The following CNTN4 variants were observed in gnomAD, a reference collection of about 807,000 sequenced individuals.
CNTN4 encodes contactin-4.
A neutral mutation model predicts 122.5 loss-of-function variants in CNTN4; 77 were observed. That is an observed-to-expected ratio of 0.63 (90% CI 0.52 to 0.76). The LOEUF is 0.76. CNTN4 is among the 30% of genes least tolerant of loss of function. CNTN4 has a pLI of 0.00. For missense variants in CNTN4, 1,256 were observed against 1,259.1 expected, an observed-to-expected ratio of 1.00 and a Z score of 0.04; for synonymous variants, 512 against 447.0, an observed-to-expected ratio of 1.15 and a Z score of -1.83.
intron 23 of CNTN4, among the ~76,000 whole-genome samples, chr3:3,047,739 C>A (rs534727141): frequency 6.6e-6 from 1 of 150,500 alleles, no homozygotes; most frequent in African/African-American, 2.4e-5. Flanking sequence ...AGAGCAAACA[C>A]ATTCAAAAGC....
intron 4 of CNTN4, among the ~76,000 whole-genome samples, chr3:2,645,906 C>A (rs2083096209): frequency 2.0e-5 from 3 of 152,226 alleles, no homozygotes; most frequent in Admixed American, 2.0e-4. Flanking sequence ...GAAATGAAAT[C>A]TGTTCCCAAA....
chr3:2,673,356 G>A (rs2084648370), intron 4 of CNTN4, among the ~76,000 whole-genome samples: 1 of 152,248 alleles, frequency 6.6e-6, no homozygotes, highest in Middle Eastern at 3.4e-3. Flanking sequence ...TGCAGAGACT[G>A]ATTGCAAAAT....
chr3:2,297,933 T>C (rs1310043336), intron 2 of CNTN4, among the ~76,000 whole-genome samples: 2 of 152,156 alleles, frequency 1.3e-5, no homozygotes, highest in Non-Finnish European at 2.9e-5. Context: ...GGTTTCACTA[T>C]GTTGCCCAGG....
intron 4 of CNTN4, among the ~76,000 whole-genome samples, chr3:2,675,500 T>G (rs2084793178): frequency 6.6e-6 from 1 of 152,216 alleles, no homozygotes; most frequent in South Asian, 2.1e-4. Context: ...CTTATCACTA[T>G]CTACAATTAT....
intron 7 of CNTN4, among the ~76,000 whole-genome samples, chr3:2,844,648 C>T (rs1006400577): frequency 6.6e-5 from 10 of 152,176 alleles, no homozygotes; most frequent in Non-Finnish European, 1.2e-4. Flanking sequence ...CACCATTACT[C>T]TCTCTTAATG....
intron 2 of CNTN4, among the ~76,000 whole-genome samples, chr3:2,141,732 A>G (rs912954495): frequency 2.6e-5 from 4 of 152,054 alleles, no homozygotes; most frequent in African/African-American, 7.2e-5. Flanking sequence ...ACATAATCAC[A>G]CTTTCACTGT....
At chr3:2,657,392 C>G (rs1305909357) in intron 4 of CNTN4, among the ~76,000 whole-genome samples, 1 of 152,122 alleles carries the variant, frequency 6.6e-6, no homozygotes, top group Admixed American at 6.5e-5. Flanking sequence ...TAAATATACT[C>G]TTATGTAGGA....
In CNTN4 at chr3:3,039,617, T is replaced by C. The variant is rs550862217; in HGVS notation, c.2164-420T>C. On this transcript the variant is annotated intron_variant, in intron 19 of 24. Coordinates refer to ENST00000418658, the MANE Select transcript of CNTN4 (RefSeq NM_175607.3). ...ATCCCTCCAGCTGAACTCTTCCCTCTGAGAGGGAGGATCTTCAGCCAAGAT... is the reference window on the plus strand; with the variant it reads ...ATCCCTCCAGCTGAACTCTTCCCTCCGAGAGGGAGGATCTTCAGCCAAGAT... The C allele has an allele frequency of 9.7e-5, 24 of 246,186 alleles. No individual in the cohort carries two copies. In the East Asian group the frequency reaches 2.4e-3, roughly 25 times the overall value. The allele number at this position is 246,186 out of a possible 1,614,324, so 15.3% of individuals were successfully genotyped here. A position where few individuals can be genotyped will look rare whatever the true frequency, so the allele number is the denominator to read the frequency against.
chr3:2,951,478 G>C (rs1004860422), intron 13 of CNTN4, among the ~76,000 whole-genome samples: 4 of 152,300 alleles, frequency 2.6e-5, no homozygotes, highest in Admixed American at 2.6e-4. Flanking sequence ...TGTGCCACCT[G>C]GTTCCTAACA....
intron 2 of CNTN4, among the ~76,000 whole-genome samples, chr3:2,314,821 C>T (rs1575350845): frequency 6.6e-6 from 1 of 151,786 alleles, no homozygotes; most frequent in African/African-American, 2.4e-5. Context: ...AATGACATAT[C>T]AATTAAGCAG....
chr3:2,304,884 G>A (rs1262816214), intron 2 of CNTN4, among the ~76,000 whole-genome samples: 3 of 151,336 alleles, frequency 2.0e-5, no homozygotes, highest in African/African-American at 4.9e-5. Flanking sequence ...AACATCAAAT[G>A]TGTTATTTTT....
intron 2 of CNTN4, among the ~76,000 whole-genome samples, chr3:2,115,039 T>C (rs890551437): frequency 6.6e-6 from 1 of 152,176 alleles, no homozygotes. Flanking sequence ...TGCAGTCTTG[T>C]GTGATGATGA....
At chr3:2,170,284 C>G (rs889969070) in intron 2 of CNTN4, among the ~76,000 whole-genome samples, 14 of 152,068 alleles carry the variant, frequency 9.2e-5, no homozygotes, top group Middle Eastern at 6.8e-3. Context: ...CGCGCCACCG[C>G]ACTCCAGCCT....
At chr3:2,906,409 G>A (rs554014872) in intron 12 of CNTN4, among the ~76,000 whole-genome samples, 36 of 152,072 alleles carry the variant, frequency 2.4e-4, no homozygotes, top group African/African-American at 7.2e-4. Flanking sequence ...ATTCTACAAC[G>A]TATATAAATA....
chr3:2,652,319 T>C (rs2150205686), intron 4 of CNTN4, among the ~76,000 whole-genome samples: 1 of 152,242 alleles, frequency 6.6e-6, no homozygotes, highest in South Asian at 2.1e-4. Flanking sequence ...AACAGATACT[T>C]AGAAAGTGCC....
Position 2,198,028 on chromosome 3 carries a change from G to GAAAAAAAAAAA in CNTN4, c.-145+97393_-145+97403dup, listed in dbSNP as rs5846169. ...ACAGAGGCAACAGACACTCTCTCTG[G>GAAAAAAAAAAA]AAAAAAAAAAAAAAGGAGAGAATTT... On this transcript the variant is annotated intron_variant, in intron 2 of 24. Coordinates refer to ENST00000418658, the MANE Select transcript of CNTN4 (RefSeq NM_175607.3). Among the ~76,000 whole-genome samples the GAAAAAAAAAAA allele has an allele frequency of 6.7e-3, 918 of 137,806 alleles. 8 individuals carry two copies. Among genetic ancestry groups the GAAAAAAAAAAA allele is most frequent in the African/African-American group, 0.025 (865 of 35,218 alleles). The allele number at this position is 137,806 out of a possible 152,430, so 90.4% of individuals were successfully genotyped here. A position where few individuals can be genotyped will look rare whatever the true frequency, so the allele number is the denominator to read the frequency against.
chr3:2,500,245 G>A (rs764145966), intron 3 of CNTN4, among the ~76,000 whole-genome samples: 5 of 151,870 alleles, frequency 3.3e-5, no homozygotes, highest in African/African-American at 4.8e-5. Flanking sequence ...TTCTTTCTGA[G>A]GCCCATTAAT....
Position 2,457,589 on chromosome 3 carries a change from C to T in CNTN4, c.-88-113827C>T, listed in dbSNP as rs1055008540. Among the ~76,000 whole-genome samples the T allele has an allele frequency of 5.9e-5, 9 of 152,162 alleles. 2 individuals are homozygous for T. The highest frequency in any genetic ancestry group is 5.9e-4 in the Admixed American group (9 of 15,284). Reference sequence around the variant, plus strand: ...TCTGACAATGGTTGGGCGCAGATTCCCATTTATGTCCTCAATCAGCTCATT... The same window carrying T: ...TCTGACAATGGTTGGGCGCAGATTCTCATTTATGTCCTCAATCAGCTCATT... On this transcript the variant is annotated intron_variant, in intron 3 of 24. Coordinates refer to ENST00000418658, the MANE Select transcript of CNTN4 (RefSeq NM_175607.3).
chr3:2,137,134 A>G (rs908917324), intron 2 of CNTN4, among the ~76,000 whole-genome samples: 17 of 152,272 alleles, frequency 1.1e-4, no homozygotes, highest in Non-Finnish European at 2.2e-4. Context: ...TAGCCAGGGC[A>G]CCCATCTGTC....
Sources: allele counts gnomAD v4.1 joint callset (sites outside exome capture counted in the v4.1 genomes callset), GRCh38; gene constraint gnomAD v4.1.1; transcripts MANE v1.5; gene names NCBI Gene and HGNC (gene_info 2026-07-23, HGNC 2026-07-21).